The following LAYN variants were observed in gnomAD, a reference collection of about 807,000 sequenced individuals.
LAYN encodes layilin.
LAYN carries 38 observed loss-of-function variants against 43.6 expected under a neutral mutation model. The ratio of observed to expected loss-of-function variants is 0.87; its 90% confidence interval spans 0.67 to 1.14. LAYN has a LOEUF of 1.14. LAYN is among the 50% of genes most tolerant of loss of function. The probability of loss-of-function intolerance (pLI) is 0.00; values close to 1 mark genes in which losing one functional copy is unlikely to be tolerated. For missense variants in LAYN, 479 were observed against 463.8 expected, an observed-to-expected ratio of 1.03 and a Z score of -0.30; for synonymous variants, 168 against 172.9, an observed-to-expected ratio of 0.97 and a Z score of 0.22.
chr11:111,540,869 C>T lies in LAYN; in HGVS notation c.26C>T (p.Ala9Val). Residue 9 changes from alanine to valine, a missense_variant, in exon 1 of 7, where the codon GCC (alanine) becomes GTC (valine). Physicochemically the swap from Ala to Val is moderately conservative, Grantham distance 64. Coordinates refer to ENST00000375614, the MANE Select transcript of LAYN (RefSeq NM_178834.5). MRPGTALQAVLLAVLLVGL... is the reference protein window; with the variant it reads MRPGTALQVVLLAVLLVGL... The stretch of plus-strand genomic sequence containing the variant: ...ATGAGGCCGGGAACCGCGCTACAGG[C>T]CGTGCTGCTGGCCGTGCTGCTGGTG... 1.3e-6 allele frequency: 2 copies of T among 1,532,042 alleles called. No homozygotes were observed. Among genetic ancestry groups the T allele is most frequent in the Non-Finnish European group, 8.7e-7 (1 of 1,145,518 alleles). 94.9% of individuals were successfully genotyped at this position (1,532,042 alleles called of 1,614,324 possible). A position where few individuals can be genotyped will look rare whatever the true frequency, so the allele number is the denominator to read the frequency against.
At chr11:111,541,225 A>C in intron 1 of LAYN, 1 of 591,568 alleles carries the variant, frequency 1.7e-6, no homozygotes, top group Admixed American at 3.0e-5. Flanking sequence ...GCAGTGGGCA[A>C]ACCTGCCCCA....
At chr11:111,546,978 A>G (rs1023911279) in intron 2 of LAYN, among the ~76,000 whole-genome samples, 2 of 152,302 alleles carry the variant, frequency 1.3e-5, no homozygotes, top group African/African-American at 4.8e-5. Flanking sequence ...GCTGCATCAT[A>G]TGGCCCAAGT....
At chr11:111,553,271 CAATAAT>C (rs1392965428) in intron 3 of LAYN, among the ~76,000 whole-genome samples, 1 of 151,110 alleles carries the variant, frequency 6.6e-6, no homozygotes. Context: ...AAATAAACAA[CAATAAT>C]AATAAGGCTG....
Position 111,557,632 on chromosome 11 carries a change from C to G in LAYN, c.750C>G (p.Ile250Met). Reference sequence around the variant, plus strand: ...CCACAGTTGTATGTTGGGTTTGGATCTGTAGAAAAAGGCAAGTAAAACCTT... The same window carrying G: ...CCACAGTTGTATGTTGGGTTTGGATGTGTAGAAAAAGGCAAGTAAAACCTT... ...VVTTVVCWVW[I>M]CRKRKREQPD... Residue 250 changes from isoleucine (I) to methionine (M), a missense_variant, in exon 6 of 7, where the codon ATC becomes ATG. Physicochemically the swap from Ile to Met is conservative, Grantham distance 10. Transcript: ENST00000375614. 1.2e-6 allele frequency: 2 copies of G among 1,613,294 alleles called. No homozygotes were observed. The highest frequency in any genetic ancestry group is 1.7e-6 in the Non-Finnish European group (2 of 1,179,224).
At chr11:111,551,017 TA>T (rs1867734110) in intron 3 of LAYN, among the ~76,000 whole-genome samples, 1 of 152,182 alleles carries the variant, frequency 6.6e-6, no homozygotes, top group East Asian at 1.9e-4. Context: ...ACAAAGGGTT[TA>T]ATGAGGAAAG....
chr11:111,547,228 AG>A (rs1272090775), intron 2 of LAYN, among the ~76,000 whole-genome samples: 1 of 152,258 alleles, frequency 6.6e-6, no homozygotes, highest in Non-Finnish European at 1.5e-5. Flanking sequence ...GGTATTCCCT[AG>A]ATCACTAGAC....
Position 111,553,950 on chromosome 11 carries a change from A to C in LAYN, c.542-611A>C, listed in dbSNP as rs1428783502. Among the ~76,000 whole-genome samples the C allele has an allele frequency of 2.6e-5, 4 of 152,232 alleles. No individual in the cohort carries two copies. The East Asian group carries it at 7.7e-4, about 29-fold the overall frequency. The stretch of plus-strand genomic sequence containing the variant: ...GACACACTCCCAGTCAAAAGCAAAA[A>C]CATTTGATGTCAATTATCTGTACAA... On this transcript the variant is annotated intron_variant, in intron 3 of 6. Transcript: ENST00000375614.
At chr11:111,545,055 AAT>A (rs36063658) in intron 2 of LAYN, among the ~76,000 whole-genome samples, 7,028 of 82,314 alleles carry the variant, frequency 0.085, 306 homozygotes, top group African/African-American at 0.14. Context: ...AAATTTAACA[AAT>A]ATATATATAT....
rs1867961299 is a variant in LAYN, at chr11:111,561,743, A to T, written c.*1285A>T. 6.6e-6 allele frequency: 1 copy of T among 152,296 alleles called. No individual in the cohort carries two copies. Among genetic ancestry groups the T allele is most frequent in the South Asian group, 2.1e-4 (1 of 4,824 alleles). The allele number at this position is 152,296 out of a possible 1,614,324, so 9.4% of individuals were successfully genotyped here. A position where few individuals can be genotyped will look rare whatever the true frequency, so the allele number is the denominator to read the frequency against. ...TCACATATGGAGCCCCAACCTCTAGAGTTAACTAGTCTGGGTCAAAGCAGT... is the reference window on the plus strand; with the variant it reads ...TCACATATGGAGCCCCAACCTCTAGTGTTAACTAGTCTGGGTCAAAGCAGT... On this transcript the variant is annotated 3_prime_UTR_variant, in exon 7 of 7. Transcript: ENST00000375614.
intron 6 of LAYN, 147 bp from the exon 7 acceptor site, chr11:111,559,948 T>C: frequency 1.2e-6 from 1 of 866,608 alleles, no homozygotes. Context: ...TCCCTCCCAC[T>C]CCGAAGCCCT....
chr11:111,541,501 G>T, intron 1 of LAYN: 1 of 1,472,422 alleles, frequency 6.8e-7, no homozygotes, highest in Non-Finnish European at 9.2e-7. Context: ...AGTGTGGGAC[G>T]AGCCCCACCT....
At chr11:111,546,996 C>G (rs952766327) in intron 2 of LAYN, among the ~76,000 whole-genome samples, 3 of 152,206 alleles carry the variant, frequency 2.0e-5, no homozygotes, top group African/African-American at 7.2e-5. Context: ...AGTGGCAAAT[C>G]TGCTTGCACA....
chr11:111,557,621 T>G lies in LAYN; in HGVS notation c.739T>G (p.Trp247Gly), dbSNP rs755341642. The change falls in exon 6 of 7, where the codon TGG becomes GGG. Residue 247 changes from tryptophan (W) to glycine (G), a missense_variant. By Grantham distance (184) the Trp-to-Gly change is radical. Coordinates refer to ENST00000375614, the MANE Select transcript of LAYN (RefSeq NM_178834.5). Reference sequence around the variant, plus strand: ...CCTTGTGGTCACCACAGTTGTATGTTGGGTTTGGATCTGTAGAAAAAGGCA... The same window carrying G: ...CCTTGTGGTCACCACAGTTGTATGTGGGGTTTGGATCTGTAGAAAAAGGCA... Reference protein sequence around the residue: ...LLLVVTTVVCWVWICRKRKRE... With the variant: ...LLLVVTTVVCGVWICRKRKRE... The G allele has an allele frequency of 5.6e-6, 9 of 1,614,060 alleles. No homozygotes were observed. The South Asian group carries it at 9.9e-5, about 18-fold the overall frequency.
intron 5 of LAYN, among the ~76,000 whole-genome samples, chr11:111,557,075 G>T (rs142670725): frequency 6.2e-4 from 94 of 151,754 alleles, no homozygotes; most frequent in Middle Eastern, 3.4e-3. Context: ...CCATCCCATC[G>T]TGGGAACTCC....
At chr11:111,554,625 G>A in intron 4 of LAYN, 32 bp downstream of exon 4, 1 of 1,598,078 alleles carries the variant, frequency 6.3e-7, no homozygotes. Context: ...TGGGTTAACT[G>A]GGGCTGTTTC....
chr11:111,551,106 G>T (rs952374768), intron 3 of LAYN, among the ~76,000 whole-genome samples: 19 of 152,248 alleles, frequency 1.2e-4, no homozygotes, highest in African/African-American at 4.6e-4. Context: ...GCTACAATGG[G>T]GAACTGTTAT....
chr11:111,557,546 G>A lies in LAYN; in HGVS notation c.664G>A (p.Ala222Thr). The change falls in exon 6 of 7, where the codon GCC becomes ACC. Residue 222 changes from alanine to threonine, a missense_variant. By Grantham distance (58) the Ala-to-Thr change is moderately conservative. Transcript: ENST00000375614. ...TGTGCTTTCTTTCTTTTCAGAAGCTGCCTTGAATCTGGCCTACATCCTAAT... is the reference window on the plus strand; with the variant it reads ...TGTGCTTTCTTTCTTTTCAGAAGCTACCTTGAATCTGGCCTACATCCTAAT... ...KKTFKESREAALNLAYILIPS... is the reference protein window; with the variant it reads ...KKTFKESREATLNLAYILIPS... 6.2e-7 allele frequency: 1 copy of A among 1,613,350 alleles called. No individual in the cohort carries two copies. The highest frequency in any genetic ancestry group is 8.5e-7 in the Non-Finnish European group (1 of 1,179,300).
chr11:111,540,644 G>A, upstream of LAYN: 1 of 532,766 alleles, frequency 1.9e-6, no homozygotes, highest in South Asian at 2.6e-5. Context: ...CAGCCAGCGG[G>A]GCTGCCCTCC....
intron 4 of LAYN, 73 bp from the exon 5 acceptor site, chr11:111,555,134 A>G: frequency 9.0e-7 from 1 of 1,116,530 alleles, no homozygotes; most frequent in Non-Finnish European, 1.3e-6. Context: ...CCCAATTTGA[A>G]CATGGTAGGA....
Sources: allele counts gnomAD v4.1 joint callset (sites outside exome capture counted in the v4.1 genomes callset), GRCh38; gene constraint gnomAD v4.1.1; transcripts MANE v1.5; gene names NCBI Gene and HGNC (gene_info 2026-07-23, HGNC 2026-07-21).